NOM1: variants seen among roughly 807,000 people sequenced by gnomAD.
NOM1 encodes nucleolar MIF4G domain-containing protein 1.
A neutral mutation model predicts 73.3 loss-of-function variants in NOM1; 58 were observed. That is an observed-to-expected ratio of 0.79 (90% CI 0.64 to 0.99). The LOEUF (loss-of-function observed/expected upper bound fraction) is 0.99, where lower values mean the gene tolerates loss of function less well. NOM1 is among the 50% of genes least tolerant of loss of function. The probability of loss-of-function intolerance (pLI) is 0.00; values close to 1 mark genes in which losing one functional copy is unlikely to be tolerated. For synonymous variants in NOM1, 487 were observed against 446.8 expected, an observed-to-expected ratio of 1.09 and a Z score of -1.14; for missense variants, 1,226 against 1,131.9, an observed-to-expected ratio of 1.08 and a Z score of -1.19.
chr7:156,967,231 C>A, intron 9 of NOM1, 139 bp downstream of exon 9: 1 of 1,043,310 alleles, frequency 9.6e-7, no homozygotes, highest in Non-Finnish European at 1.3e-6. Flanking sequence ...TTATCCTAGC[C>A]AGGACAGAAA....
intron 3 of NOM1, chr7:156,958,563 ACT>A (rs1804784375): frequency 6.6e-6 from 1 of 152,174 alleles, no homozygotes; most frequent in Non-Finnish European, 1.5e-5. Flanking sequence ...ACTGAAAACG[ACT>A]GTTTTCTGCC....
intron 3 of NOM1, among the ~76,000 whole-genome samples, chr7:156,957,300 A>G (rs1051889600): frequency 1.2e-4 from 18 of 152,154 alleles, no homozygotes; most frequent in South Asian, 2.1e-4. Flanking sequence ...CAAAAACCCA[A>G]TCTATGTAGA....
chr7:156,953,851 G>C (rs1804653924), intron 2 of NOM1, among the ~76,000 whole-genome samples: 1 of 152,124 alleles, frequency 6.6e-6, no homozygotes, highest in African/African-American at 2.4e-5. Flanking sequence ...CTTAATCCAG[G>C]GTATGCCTCA....
intron 3 of NOM1, among the ~76,000 whole-genome samples, chr7:156,959,021 C>G (rs1384855183): frequency 6.6e-6 from 1 of 152,156 alleles, no homozygotes; most frequent in East Asian, 1.9e-4. Flanking sequence ...AGAAATCACT[C>G]GTATTGCTTC....
At chr7:156,966,146 C>T in intron 7 of NOM1, 124 bp from the exon 8 acceptor site, 1 of 1,216,886 alleles carries the variant, frequency 8.2e-7, no homozygotes. Context: ...GCTGCCTCCA[C>T]CTCCTTTACG....
At chr7:156,964,779 T>G (rs1412597760) in intron 7 of NOM1, among the ~76,000 whole-genome samples, 1 of 152,082 alleles carries the variant, frequency 6.6e-6, no homozygotes, top group Non-Finnish European at 1.5e-5. Flanking sequence ...AGTCCTGAGT[T>G]CCCTTTGCCT....
intron 9 of NOM1, among the ~76,000 whole-genome samples, chr7:156,967,547 C>CG (rs914754545): frequency 2.0e-5 from 3 of 152,194 alleles, no homozygotes; most frequent in African/African-American, 4.8e-5. Context: ...TTTCTTCCCC[C>CG]CCCAAGATGG....
At chr7:156,964,125 C>G in intron 7 of NOM1, 99 bp downstream of exon 7, 1 of 1,297,964 alleles carries the variant, frequency 7.7e-7, no homozygotes, top group Non-Finnish European at 1.1e-6. Flanking sequence ...TCTGATGCTG[C>G]CTAGGGAGGA....
intron 3 of NOM1, among the ~76,000 whole-genome samples, chr7:156,956,314 ACG>A (rs1804725668): frequency 2.0e-5 from 3 of 151,958 alleles, no homozygotes; most frequent in Non-Finnish European, 2.9e-5. Flanking sequence ...ACATGCTGTA[ACG>A]CGCACGGTCT....
In NOM1 at chr7:156,960,039, TG is replaced by T; in HGVS notation, c.1498del (p.Glu500AsnfsTer2). 1 of 1,614,202 alleles carries T rather than the reference TG, an allele frequency of 6.2e-7. No homozygotes were observed. Among genetic ancestry groups the T allele is most frequent in the Non-Finnish European group, 8.5e-7 (1 of 1,180,034 alleles). On this transcript the variant is annotated frameshift_variant, in exon 4 of 11. Coordinates refer to ENST00000275820, the MANE Select transcript of NOM1 (RefSeq NM_138400.2). LOFTEE classifies it high-confidence loss of function. ...LIGTFTEKDI[E>X]LILLMLKNVG... ...TTGGAACTTTCACCGAAAAAGATAT[TG>T]AACTGATCTTGTTAATGCTGAAAAA...
rs779220848 is a variant in NOM1 at position 156,972,352 on chromosome 7, T to C, written c.*2649T>C. ...ATGATGTACCATATGCAGTAACCCA[T>C]GTTTGAGGTACAGAATTGAAGCTGA... On this transcript the variant is annotated 3_prime_UTR_variant, in exon 11 of 11. Coordinates refer to ENST00000275820, the MANE Select transcript of NOM1 (RefSeq NM_138400.2). 1.3e-5 allele frequency: 2 copies of C among 152,358 alleles called. No homozygotes were observed. The highest frequency in any genetic ancestry group is 4.1e-4 in the South Asian group (2 of 4,826). The allele number at this position is 152,358 out of a possible 1,614,324, so 9.4% of individuals were successfully genotyped here.
chr7:156,953,604 G>A (rs545975350), intron 2 of NOM1, among the ~76,000 whole-genome samples: 2 of 152,040 alleles, frequency 1.3e-5, no homozygotes, highest in South Asian at 4.1e-4. Flanking sequence ...TCAGTGTCGA[G>A]TTCAGTATTA....
chr7:156,959,785 G>A, intron 3 of NOM1, 66 bp from the exon 4 acceptor site: 1 of 1,449,336 alleles, frequency 6.9e-7, no homozygotes, highest in South Asian at 1.2e-5. Context: ...TGCCAGTTCT[G>A]TGTGTTGAAG....
intron 3 of NOM1, among the ~76,000 whole-genome samples, chr7:156,954,522 C>CTTTT (rs34176770): frequency 6.0e-4 from 61 of 101,630 alleles, no homozygotes; most frequent in African/African-American, 1.3e-3. Flanking sequence ...TCTGTCCATT[C>CTTTT]TTTTTTTTTT....
chr7:156,952,939 T>G (rs1055312342), intron 2 of NOM1, among the ~76,000 whole-genome samples: 1 of 152,236 alleles, frequency 6.6e-6, no homozygotes, highest in Non-Finnish European at 1.5e-5. Flanking sequence ...CACATTCACC[T>G]GGTCTTCCAT....
chr7:156,963,690 A>G, intron 6 of NOM1: 2 of 475,658 alleles, frequency 4.2e-6, no homozygotes, highest in South Asian at 6.4e-5. Flanking sequence ...CACGACTGAG[A>G]AGCCTCCCAC....
Position 156,972,175 on chromosome 7 carries a change from G to A in NOM1, c.*2472G>A, listed in dbSNP as rs1040622482. ...CGCCTCGGTAGATTTGCATTCTGAT[G>A]CAAGCCCCCAACCTCACGGACCAAG... On this transcript the variant is annotated 3_prime_UTR_variant, in exon 11 of 11. Transcript: ENST00000275820. 6.6e-6 allele frequency: 1 copy of A among 152,246 alleles called. No homozygotes were observed. Among genetic ancestry groups the A allele is most frequent in the Non-Finnish European group, 1.5e-5 (1 of 68,058 alleles). 9.4% of individuals were successfully genotyped at this position (152,246 alleles called of 1,614,324 possible). A position where few individuals can be genotyped will look rare whatever the true frequency, so the allele number is the denominator to read the frequency against.
chr7:156,964,480 A>C (rs911070370), intron 7 of NOM1, among the ~76,000 whole-genome samples: 1 of 152,096 alleles, frequency 6.6e-6, no homozygotes, highest in African/African-American at 2.4e-5. Flanking sequence ...GATTTTAAAG[A>C]TCCTGTAATC....
In NOM1 at chr7:156,963,147, C is replaced by G; in HGVS notation, c.1883C>G (p.Thr628Arg). Residue 628 changes from threonine to arginine, a missense_variant, in exon 6 of 11, where the codon ACG becomes AGG. By Grantham distance (71) the Thr-to-Arg change is moderately conservative. Transcript: ENST00000275820. ...CCGATGATCGACAACAGTCACCATA[C>G]GCACCTGCAGAAGCAGCTTGTGGGG... is the stretch of plus-strand genomic sequence containing the variant. ...GAPMIDNSHH[T>R]HLQKQLVGTV... 6.2e-7 allele frequency: 1 copy of G among 1,614,126 alleles called. No individual in the cohort carries two copies. The highest frequency in any genetic ancestry group is 8.5e-7 in the Non-Finnish European group (1 of 1,180,034).
Sources: gnomAD v4.1 joint callset for allele counts (sites outside exome capture counted in the v4.1 genomes callset) on GRCh38, gnomAD v4.1.1 for gene constraint, MANE v1.5 for transcripts, NCBI Gene and HGNC (gene_info 2026-07-23, HGNC 2026-07-21) for gene names.